Variants in BIRC6 observed in about 807,000 individuals in gnomAD.
BIRC6 encodes the protein baculoviral IAP repeat containing 6.
BIRC6 carries 98 observed loss-of-function variants against 503.3 expected under a neutral mutation model. The observed-to-expected ratio is 0.19, with a 90% CI of 0.17 to 0.23. The LOEUF (loss-of-function observed/expected upper bound fraction) is 0.23. Among genes scored for constraint, BIRC6 ranks in the 10% least tolerant of loss-of-function variants. The pLI, the probability that BIRC6 is intolerant of heterozygous loss-of-function variation, is 1.00. For missense variants in BIRC6, 5,360 were observed against 5,806.0 expected, an observed-to-expected ratio of 0.92 and a Z score of 2.50; for synonymous variants, 2,240 against 2,078.7, an observed-to-expected ratio of 1.08 and a Z score of -2.11.
intron 21 of BIRC6, 130 bp downstream of exon 21, chr2:32,445,798 T>C: frequency 4.8e-6 from 3 of 627,100 alleles, no homozygotes; most frequent in Non-Finnish European, 4.7e-6. Flanking sequence ...GTTTATACCT[T>C]ACTTTTTCCA....
intron 9 of BIRC6, among the ~76,000 whole-genome samples, chr2:32,407,445 CAAAAAAAAA>C (rs760585710): frequency 5.7e-5 from 4 of 69,812 alleles, no homozygotes; most frequent in Admixed American, 1.5e-4. Flanking sequence ...AACTCTGTCT[CAAAAAAAAA>C]AAAAAAAAAA....
intron 32 of BIRC6, 85 bp from the exon 33 acceptor site, chr2:32,473,027 C>T (rs2049281364): frequency 8.6e-7 from 1 of 1,164,458 alleles, no homozygotes; most frequent in Non-Finnish European, 1.2e-6. Flanking sequence ...ACATGTATAA[C>T]TGTGTTTTTT....
intron 21 of BIRC6, among the ~76,000 whole-genome samples, chr2:32,446,437 C>A (rs1023634097): frequency 6.6e-6 from 1 of 152,166 alleles, no homozygotes; most frequent in Non-Finnish European, 1.5e-5. Flanking sequence ...TGAAGTAAGG[C>A]GTTCCTTTAT....
At chr2:32,439,794 G>A (rs879805931) in intron 16 of BIRC6, 108 bp downstream of exon 16, 15 of 966,232 alleles carry the variant, frequency 1.6e-5, no homozygotes, top group East Asian at 2.8e-5. Flanking sequence ...TTTACTATAC[G>A]CTTGGTTTGT....
chr2:32,491,767 TA>T (rs1197029537), intron 44 of BIRC6, among the ~76,000 whole-genome samples: 1 of 152,202 alleles, frequency 6.6e-6, no homozygotes, highest in Admixed American at 6.5e-5. Flanking sequence ...ACAGTGATAC[TA>T]GGTTTTCATA....
intron 44 of BIRC6, 22 bp from the exon 45 acceptor site, chr2:32,493,518 G>A: frequency 6.4e-7 from 1 of 1,574,794 alleles, no homozygotes; most frequent in Non-Finnish European, 8.7e-7. Context: ...GCAGTTTTCA[G>A]TGAATATACA....
chr2:32,439,739 C>A (rs910998932), intron 16 of BIRC6, 53 bp downstream of exon 16: 22 of 1,497,360 alleles, frequency 1.5e-5, no homozygotes, highest in Non-Finnish European at 2.0e-5. Context: ...CATTGTGGAT[C>A]AGATTTAACA....
In BIRC6 at chr2:32,515,377, C is replaced by T. The variant is rs773709473; in HGVS notation, c.10956C>T (p.Ser3652=). ...FCFSHISSSE[S]IAQSIDISQD... ...TTAGCCACATTTCTAGCTCAGAAAG[C>T]ATTGCCCAGTCAATAGATATTTCCC... The change falls in exon 55 of 74, where the codon AGC becomes AGT. Residue 3652 remains serine, a synonymous_variant. Transcript: ENST00000421745. 6.2e-7 allele frequency: 1 copy of T among 1,613,624 alleles called. No homozygotes were observed. Among genetic ancestry groups the T allele is most frequent in the Non-Finnish European group, 8.5e-7 (1 of 1,179,878 alleles).
intron 10 of BIRC6, among the ~76,000 whole-genome samples, chr2:32,428,687 A>G (rs1282918047): frequency 6.6e-6 from 1 of 152,214 alleles, no homozygotes; most frequent in Admixed American, 6.5e-5. Flanking sequence ...ATTTTAAACT[A>G]GAAATTTGAG....
chr2:32,476,268 A>G lies in BIRC6; in HGVS notation c.6776A>G (p.Glu2259Gly). 3 of 1,557,888 alleles carry G rather than the reference A, an allele frequency of 1.9e-6. No homozygotes were observed. The highest frequency in any genetic ancestry group is 2.6e-6 in the Non-Finnish European group (3 of 1,149,802). The change falls in exon 34 of 74, where the codon GAA becomes GGA. Residue 2259 changes from glutamate (E) to glycine (G), a missense_variant. Around this residue, in one of 16 missense-constraint regions of BIRC6, gnomAD observed 2,299 missense variants for 2,267.2 expected, o/e 1.01. Transcript: ENST00000421745. ...GCATTGGTAGAACAGATGGAAAAAG[A>G]AAAAATACAAAGTAACAAAGGATCA... ...QKALVEQMEK[E>G]KIQSNKGSSY...
chr2:32,496,252 A>T (rs1281666546), intron 45 of BIRC6, among the ~76,000 whole-genome samples: 1 of 150,190 alleles, frequency 6.7e-6, no homozygotes, highest in African/African-American at 2.4e-5. Context: ...TTTTGAGACA[A>T]CTTTGCTCTG....
intron 64 of BIRC6, among the ~76,000 whole-genome samples, chr2:32,548,469 C>T (rs970010399): frequency 4.7e-5 from 7 of 149,198 alleles, no homozygotes; most frequent in African/African-American, 7.4e-5. Context: ...CCCAGGTTCA[C>T]GGTTGCTTAC....
chr2:32,415,594 A>G lies in BIRC6; in HGVS notation c.2303A>G (p.Asn768Ser). 1 of 1,613,880 alleles carries G rather than the reference A, an allele frequency of 6.2e-7. No homozygotes were observed. Among genetic ancestry groups the G allele is most frequent in the South Asian group, 1.1e-5 (1 of 91,074 alleles). ...SAINQVEALN[N>S]LNKLNSALCN... is the part of the protein sequence containing the mutation. ...ATAAATCAAGTAGAGGCCTTGAATAATTTAAATAAATTAAACTCTGCACTA... is the reference window on the plus strand; with the variant it reads ...ATAAATCAAGTAGAGGCCTTGAATAGTTTAAATAAATTAAACTCTGCACTA... The change falls in exon 10 of 74, where the codon AAT becomes AGT. Residue 768 changes from asparagine to serine, a missense_variant. Transcript: ENST00000421745.
chr2:32,616,560 C>CAAAAA (rs201587938), intron 73 of BIRC6, among the ~76,000 whole-genome samples: 2 of 99,126 alleles, frequency 2.0e-5, no homozygotes, highest in Non-Finnish European at 3.9e-5. Context: ...ACCTTGTTCT[C>CAAAAA]AAAAAAAAAA....
chr2:32,422,055 T>G (rs1057367341), intron 10 of BIRC6, among the ~76,000 whole-genome samples: 1 of 152,230 alleles, frequency 6.6e-6, no homozygotes, highest in African/African-American at 2.4e-5. Context: ...CTTTTGTCAT[T>G]ATGAAATATT....
intron 66 of BIRC6, among the ~76,000 whole-genome samples, chr2:32,578,832 A>G (rs936006858): frequency 2.7e-5 from 4 of 150,782 alleles, no homozygotes; most frequent in Admixed American, 2.0e-4. Context: ...ACATACATAC[A>G]TACTATGTAT....
At chr2:32,544,086 GA>G (rs943190110) in intron 62 of BIRC6, among the ~76,000 whole-genome samples, 3 of 152,096 alleles carry the variant, frequency 2.0e-5, no homozygotes, top group African/African-American at 7.2e-5. Context: ...AAATGTATGA[GA>G]GGGGATAAGT....
chr2:32,571,687 G>A (rs920793694), intron 65 of BIRC6, among the ~76,000 whole-genome samples: 1 of 151,744 alleles, frequency 6.6e-6, no homozygotes, highest in Admixed American at 6.6e-5. Flanking sequence ...TTATCTTTTC[G>A]AAAACCAGCT....
rs140136789 is a variant in BIRC6 at position 32,491,469 on chromosome 2, T to C, written c.8251T>C (p.Leu2751=). ...AIGTQESTAH[L]LVSDPNLIHV... ...TGGAACTCAGGAGAGTACTGCTCAT[T>C]TGTTGGTTTCAGATCCAAACCTAAT... Residue 2751 remains leucine (L), a synonymous_variant, in exon 44 of 74, where the codon TTG becomes CTG. Transcript: ENST00000421745. The C allele has an allele frequency of 1.4e-5, 23 of 1,613,544 alleles. No individual in the cohort carries two copies. Among genetic ancestry groups the C allele is most frequent in the Non-Finnish European group, 1.9e-5 (22 of 1,179,694 alleles).
Sources: allele counts gnomAD v4.1 joint callset (sites outside exome capture counted in the v4.1 genomes callset), GRCh38; gene constraint gnomAD v4.1.1; regional missense constraint gnomAD v4.1.1; transcripts MANE v1.5; gene names NCBI Gene and HGNC (gene_info 2026-07-23, HGNC 2026-07-21).